Variants in TESK1 observed in about 807,000 individuals in gnomAD.
The protein encoded by TESK1 is testis associated actin remodelling kinase 1, also known as dual specificity testis-specific protein kinase 1.
Under a neutral mutation model 59.9 loss-of-function variants are expected in TESK1, and 18 were observed. The ratio of observed to expected loss-of-function variants is 0.30; its 90% CI spans 0.21 to 0.45. The LOEUF is 0.45. Among genes scored for constraint, TESK1 ranks in the 20% least tolerant of loss-of-function variants. TESK1 has a pLI of 1.00. For synonymous variants in TESK1, 341 were observed against 357.4 expected (o/e 0.95, Z 0.52); for missense variants, 748 against 840.9 (o/e 0.89, Z 1.37).
At position 35,606,288 on chromosome 9, in the gene TESK1, G is replaced by A. The variant is rs756432595; in HGVS notation, c.390+3G>A. On this transcript the variant is annotated splice_donor_region_variant and intron_variant, in intron 3 of 9. Transcript: ENST00000336395. ...GACAGCTGCACGCTCTTACAGAGGT[G>A]AGGATAGGCCAGGAAGGAGGGATCC... 4 of 1,613,912 alleles carry A rather than the reference G, an allele frequency of 2.5e-6. No homozygotes were observed. In the South Asian group the frequency reaches 4.4e-5, roughly 18 times the overall value.
chr9:35,608,209 G>T lies in TESK1; in HGVS notation c.845G>T (p.Cys282Phe), dbSNP rs1267602306. The T allele has an allele frequency of 6.2e-7, 1 of 1,614,130 alleles. No individual in the cohort carries two copies. The highest frequency in any genetic ancestry group is 1.7e-5 in the Admixed American group (1 of 60,018). ...TTCCGAACTCTGGTGGGGGATGACT[G>T]CCCACTGCCTTTCTTGCTCCTGGCC... ...PAFRTLVGDD[C>F]PLPFLLLAIH... Residue 282 changes from cysteine (C) to phenylalanine (F), a missense_variant, in exon 8 of 10, where the codon TGC (cysteine) becomes TTC (phenylalanine). By Grantham distance (205) the Cys-to-Phe change is radical (BLOSUM62 -2). Coordinates refer to ENST00000336395, the MANE Select transcript of TESK1 (RefSeq NM_006285.3).
chr9:35,607,138 T>C lies in TESK1; in HGVS notation c.537+155T>C. 7.9e-7 allele frequency: 1 copy of C among 1,270,030 alleles called. No individual in the cohort carries two copies. The highest frequency in any genetic ancestry group is 1.4e-5 in the South Asian group (1 of 70,248). The allele number at this position is 1,270,030 out of a possible 1,614,324, so 78.7% of individuals were successfully genotyped here. A position where few individuals can be genotyped will look rare whatever the true frequency, so the allele number is the denominator to read the frequency against. The stretch of plus-strand genomic sequence containing the variant: ...TGGGGGACCAGGGTGAGGGGAGTGC[T>C]CGGAGGGACTGAGTAGCACCCTGTG... On this transcript the variant is annotated intron_variant, in intron 4 of 9. Transcript: ENST00000336395. This position sits in a 1 kb window ranked among gnomAD's most constrained non-coding sequence, Gnocchi z 4.5.
Position 35,609,763 on chromosome 9 carries a change from G to A in TESK1, c.*21G>A, listed in dbSNP as rs747879770. ...CTTAGCAGTGGAGCCCGTGGTCTCA[G>A]GCCTCCAACTTTGGCCTTCAGGACA... On this transcript the variant is annotated 3_prime_UTR_variant, in exon 10 of 10. Coordinates refer to ENST00000336395, the MANE Select transcript of TESK1 (RefSeq NM_006285.3). The surrounding 1 kb of genome is among the most constrained non-coding windows in gnomAD (Gnocchi z 6.7). The A allele has an allele frequency of 2.6e-6, 4 of 1,544,528 alleles. No homozygotes were observed. The South Asian group carries it at 4.8e-5, about 18-fold the overall frequency.
At position 35,608,896 on chromosome 9, in the gene TESK1, TC is replaced by T. The variant is rs759176242; in HGVS notation, c.1038del (p.Arg347GlyfsTer29). 6.2e-7 allele frequency: 1 copy of T among 1,607,622 alleles called. No individual in the cohort carries two copies. ...VARGGPSATL[P>X]RPDPRLSRSR... is the part of the protein sequence containing the mutation. ...CAAGAGGGGGTCCCTCTGCCACGCT[TC>T]CCAGGCCAGATCCCCGGCTTTCCCG... On this transcript the variant is annotated frameshift_variant, in exon 10 of 10. Coordinates refer to ENST00000336395, the MANE Select transcript of TESK1 (RefSeq NM_006285.3). LOFTEE classifies it high-confidence loss of function.
chr9:35,605,678 G>A lies in TESK1; in HGVS notation c.59G>A (p.Gly20Glu). The A allele has an allele frequency of 6.9e-7, 1 of 1,441,926 alleles. No homozygotes were observed. The highest frequency in any genetic ancestry group is 9.1e-7 in the Non-Finnish European group (1 of 1,100,602). The allele number at this position is 1,441,926 out of a possible 1,614,324, so 89.3% of individuals were successfully genotyped here. A position where few individuals can be genotyped will look rare whatever the true frequency, so the allele number is the denominator to read the frequency against. Residue 20 changes from glycine to glutamate, a missense_variant, in exon 1 of 10, where the codon GGG (glycine) becomes GAG (glutamate). This residue lies in a region of TESK1 where 133 missense variants were observed against 117.4 expected (regional missense o/e 1.13). Transcript: ENST00000336395. Reference sequence around the variant, plus strand: ...GGGCCCGGGCCTGGAGAGGTGCCGGGGGAGGGGCCCCCGGGGCCGGGGGGC... The same window carrying A: ...GGGCCCGGGCCTGGAGAGGTGCCGGAGGAGGGGCCCCCGGGGCCGGGGGGC... The part of the protein sequence containing the change: ...GPGPGPGEVP[G>E]EGPPGPGGTG...
Position 35,610,032 on chromosome 9 carries a change from T to G in TESK1, c.*290T>G. 2 of 371,046 alleles carry G rather than the reference T, an allele frequency of 5.4e-6. No homozygotes were observed. The highest frequency in any genetic ancestry group is 9.7e-6 in the Non-Finnish European group (2 of 206,286). The allele number at this position is 371,046 out of a possible 1,614,324, so 23.0% of individuals were successfully genotyped here. On this transcript the variant is annotated 3_prime_UTR_variant, in exon 10 of 10. Transcript: ENST00000336395. ...TGCCTGGCTGGCTCCGGGCCGCCCC[T>G]ATCCGCTCAGCCCGTGCGCCCTCCT...
Position 35,609,040 on chromosome 9 carries a change from G to T in TESK1, c.1179G>T (p.Lys393Asn). 3.7e-6 allele frequency: 6 copies of T among 1,614,134 alleles called. No homozygotes were observed. Among genetic ancestry groups the T allele is most frequent in the Non-Finnish European group, 5.1e-6 (6 of 1,180,026 alleles). Residue 393 changes from lysine (K) to asparagine (N), a missense_variant, in exon 10 of 10, where the codon AAG becomes AAT. Physicochemically the swap from Lys to Asn is moderately conservative, Grantham distance 94. Coordinates refer to ENST00000336395, the MANE Select transcript of TESK1 (RefSeq NM_006285.3). The surrounding 1 kb of genome is among the most constrained non-coding windows in gnomAD (Gnocchi z 6.7). ...AAGACCTCAGGGGTGGCAAGATCAA[G>T]CTCTTAGACACACCCAGCAAGCCAG... ...LREDLRGGKI[K>N]LLDTPSKPVL...
In TESK1 at chr9:35,606,003, G is replaced by A. The variant is rs1822840697; in HGVS notation, c.239G>A (p.Gly80Glu). ...EVYKVRHRQS[G>E]QVMVLKMNKL... is the part of the protein sequence containing the mutation. ...CCCCAGGTTCGGCACCGACAGTCAG[G>A]GCAAGTCATGGTGCTGAAGATGAAC... The change falls in exon 2 of 10, where the codon GGG becomes GAG. Residue 80 changes from glycine to glutamate, a missense_variant. Transcript: ENST00000336395. 1 of 1,613,848 alleles carries A rather than the reference G, an allele frequency of 6.2e-7. No homozygotes were observed. Among genetic ancestry groups the A allele is most frequent in the Admixed American group, 1.7e-5 (1 of 59,996 alleles).
Position 35,605,679 on chromosome 9 carries a change from G to T in TESK1, c.60G>T (p.Gly20=), listed in dbSNP as rs1822829741. ...GPGPGPGEVP[G]EGPPGPGGTG... ...GGCCCGGGCCTGGAGAGGTGCCGGG[G>T]GAGGGGCCCCCGGGGCCGGGGGGCA... The change falls in exon 1 of 10, where the codon GGG becomes GGT. Residue 20 remains glycine (G), a synonymous_variant. Coordinates refer to ENST00000336395, the MANE Select transcript of TESK1 (RefSeq NM_006285.3). 1 of 1,442,708 alleles carries T rather than the reference G, an allele frequency of 6.9e-7. No individual in the cohort carries two copies. The highest frequency in any genetic ancestry group is 1.5e-5 in the African/African-American group (1 of 67,088). The allele number at this position is 1,442,708 out of a possible 1,614,324, so 89.4% of individuals were successfully genotyped here.
rs987352853 is a variant in TESK1 at position 35,605,343 on chromosome 9, G to T, written c.-277G>T. On this transcript the variant is annotated 5_prime_UTR_variant, in exon 1 of 10. Transcript: ENST00000336395. The stretch of plus-strand genomic sequence containing the variant: ...TCCGCCCGCGGCAAGCCAGCCCGCC[G>T]GCGCCCCGGAGCGCTGCCGCCACCG... The T allele has an allele frequency of 6.8e-6, 1 of 148,108 alleles. No homozygotes were observed. The highest frequency in any genetic ancestry group is 1.9e-4 in the South Asian group (1 of 5,366). The allele number at this position is 148,108 out of a possible 1,614,324, so 9.2% of individuals were successfully genotyped here. A position where few individuals can be genotyped will look rare whatever the true frequency, so the allele number is the denominator to read the frequency against.
In TESK1 at chr9:35,607,431, C is replaced by T. The variant is rs376472938; in HGVS notation, c.620+22C>T. On this transcript the variant is annotated intron_variant, in intron 5 of 9. Transcript: ENST00000336395. This position sits in a 1 kb window ranked among gnomAD's most constrained non-coding sequence, Gnocchi z 4.5. The stretch of plus-strand genomic sequence containing the variant: ...ATAGGTGAGATGAATGTCCCTGTTC[C>T]CCCCAAATCTCCCAGAGTGCCCCTA... 1.2e-6 allele frequency: 2 copies of T among 1,613,690 alleles called. No individual in the cohort carries two copies. The highest frequency in any genetic ancestry group is 2.2e-5 in the East Asian group (1 of 44,870).
intron 8 of TESK1, 44 bp downstream of exon 8, chr9:35,608,293 G>A (rs1244787186): frequency 8.1e-6 from 13 of 1,609,818 alleles, no homozygotes; most frequent in Admixed American, 1.7e-5. Flanking sequence ...GCCCCCATCC[G>A]TAAGCTGCCA....
rs1822815074 is a variant in TESK1, at chr9:35,605,296, G to GCCGCCCGCCCGCCCGCCCGCCT, written c.-315_-294dup. 6.7e-6 allele frequency: 1 copy of GCCGCCCGCCCGCCCGCCCGCCT among 148,242 alleles called. No homozygotes were observed. 9.2% of individuals were successfully genotyped at this position (148,242 alleles called of 1,614,324 possible). A position where few individuals can be genotyped will look rare whatever the true frequency, so the allele number is the denominator to read the frequency against. On this transcript the variant is annotated 5_prime_UTR_variant, in exon 1 of 10. Coordinates refer to ENST00000336395, the MANE Select transcript of TESK1 (RefSeq NM_006285.3). The stretch of plus-strand genomic sequence containing the variant: ...TCCCCGGCGGCTAAGCGGAGCAGCC[G>GCCGCCCGCCCGCCCGCCCGCCT]CCGCCCGCCCGCCCGCCCGCCTCCG...
chr9:35,607,695 C>G lies in TESK1; in HGVS notation c.711+23C>G. On this transcript the variant is annotated intron_variant, in intron 6 of 9. Coordinates refer to ENST00000336395, the MANE Select transcript of TESK1 (RefSeq NM_006285.3). The surrounding 1 kb of genome is among the most constrained non-coding windows in gnomAD (Gnocchi z 4.5). ...AAGGTGAGACATCAACCCTTCAGAT[C>G]CCCAAGGCCTTCCGAGACCCTTGAG... 1.3e-6 allele frequency: 2 copies of G among 1,590,370 alleles called. No individual in the cohort carries two copies. The highest frequency in any genetic ancestry group is 1.7e-6 in the Non-Finnish European group (2 of 1,159,022).
rs1284326131 is a variant in TESK1, at chr9:35,609,724, G to T, written c.1863G>T (p.Leu621=). The change falls in exon 10 of 10, where the codon CTG becomes CTT. Residue 621 remains leucine (L), a synonymous_variant. Coordinates refer to ENST00000336395, the MANE Select transcript of TESK1 (RefSeq NM_006285.3). The surrounding 1 kb of genome is among the most constrained non-coding windows in gnomAD (Gnocchi z 6.7). ...AGCCACCCACACCCAGCCTGCAGCT[G>T]CCTGGGGCACGCTCTTAGCAGTGGA... is the stretch of plus-strand genomic sequence containing the variant. The part of the protein sequence containing the change: ...HAKPPTPSLQ[L]PGARS 10 of 1,596,330 alleles carry T rather than the reference G, an allele frequency of 6.3e-6. No homozygotes were observed. Among genetic ancestry groups the T allele is most frequent in the Non-Finnish European group, 8.5e-6 (10 of 1,177,780 alleles).
intron 9 of TESK1, 33 bp from the exon 10 acceptor site, chr9:35,608,829 G>A (rs1822906246): frequency 1.9e-6 from 3 of 1,545,418 alleles, no homozygotes; most frequent in East Asian, 2.3e-5. Context: ...ATCAAATGCT[G>A]AGGACAGTGA....
At position 35,605,744 on chromosome 9, in the gene TESK1, G is replaced by T; in HGVS notation, c.125G>T (p.Arg42Leu). Residue 42 changes from arginine to leucine, a missense_variant, in exon 1 of 10, where the codon CGG becomes CTG. Physicochemically the swap from Arg to Leu is moderately radical, Grantham distance 102. Transcript: ENST00000336395. ...GPGRGRPSSY[R>L]ALRSAVSSLA... ...GGCCGGGGCCGCCCCTCCTCCTACCGGGCTCTCCGCAGCGCCGTGTCTAGC... is the reference window on the plus strand; with the variant it reads ...GGCCGGGGCCGCCCCTCCTCCTACCTGGCTCTCCGCAGCGCCGTGTCTAGC... 1 of 1,601,810 alleles carries T rather than the reference G, an allele frequency of 6.2e-7. No homozygotes were observed. The highest frequency in any genetic ancestry group is 8.5e-7 in the Non-Finnish European group (1 of 1,174,668).
At chr9:35,608,561 C>T (rs1822896049) in intron 9 of TESK1, 52 bp downstream of exon 9, 1 of 1,537,732 alleles carries the variant, frequency 6.5e-7, no homozygotes, top group Non-Finnish European at 8.9e-7. Context: ...TTTGTCCTCC[C>T]TAGAATTCAG....
chr9:35,608,048 A>G, intron 7 of TESK1, 37 bp downstream of exon 7: 1 of 1,612,160 alleles, frequency 6.2e-7, no homozygotes, highest in Non-Finnish European at 8.5e-7. Flanking sequence ...AGAATTCCAG[A>G]CTAGCTGGCT....
Sources: gnomAD v4.1 joint callset for allele counts on GRCh38, gnomAD v4.1.1 for gene constraint, gnomAD v4.1.1 regional missense constraint, Gnocchi (gnomAD v3.1) non-coding constraint, MANE v1.5 for transcripts, NCBI Gene and HGNC (gene_info 2026-07-23, HGNC 2026-07-21) for gene names.